CDH12: variants seen among roughly 807,000 people sequenced by gnomAD.
The protein encoded by CDH12 is cadherin-12.
Under a neutral mutation model 74.1 loss-of-function variants are expected in CDH12, and 41 were observed. The observed-to-expected ratio is 0.55, with a 90% confidence interval of 0.43 to 0.72. The LOEUF is 0.72. Ranked by LOEUF, CDH12 falls within the 30% of genes least tolerant of loss-of-function variation. The probability of loss-of-function intolerance (pLI) is 0.00; values close to 1 mark genes in which losing one functional copy is unlikely to be tolerated. For missense variants in CDH12, 945 were observed against 977.2 expected, an observed-to-expected ratio of 0.97 and a Z score of 0.44; for synonymous variants, 399 against 355.0, an observed-to-expected ratio of 1.12 and a Z score of -1.39.
intron 1 of CDH12, among the ~76,000 whole-genome samples, chr5:22,773,719 G>A (rs2126319369): frequency 6.6e-6 from 1 of 152,124 alleles, no homozygotes; most frequent in Non-Finnish European, 1.5e-5. Flanking sequence ...CCTACAGAGT[G>A]GGAGAAAATA....
chr5:21,824,899 A>C (rs1748576981), intron 8 of CDH12, among the ~76,000 whole-genome samples: 1 of 152,186 alleles, frequency 6.6e-6, no homozygotes, highest in Non-Finnish European at 1.5e-5. Context: ...CAAGTCTGTA[A>C]TCCCAGCACT....
intron 7 of CDH12, among the ~76,000 whole-genome samples, chr5:21,853,732 C>T (rs144720213): frequency 3.7e-4 from 56 of 151,676 alleles, no homozygotes; most frequent in Non-Finnish European, 6.1e-4. Context: ...GTGTCTGAAA[C>T]GTATACTTCT....
chr5:21,945,734 C>CAAG (rs1287545409), intron 6 of CDH12, among the ~76,000 whole-genome samples: 1 of 149,348 alleles, frequency 6.7e-6, no homozygotes, highest in Non-Finnish European at 1.5e-5. Flanking sequence ...ACTGTCTGAA[C>CAAG]AAGAAGAAGA....
intron 9 of CDH12, among the ~76,000 whole-genome samples, chr5:21,811,994 C>A (rs555387021): frequency 9.9e-5 from 15 of 151,994 alleles, no homozygotes; most frequent in African/African-American, 3.4e-4. Flanking sequence ...TAAACCTGAC[C>A]ATCATTTTTG....
chr5:22,398,597 C>T (rs571350300), intron 3 of CDH12, among the ~76,000 whole-genome samples: 3 of 152,222 alleles, frequency 2.0e-5, no homozygotes, highest in East Asian at 3.9e-4. Flanking sequence ...TGATAGAACA[C>T]GCATCCTCTT....
chr5:22,104,910 C>G (rs1744339261), intron 4 of CDH12, among the ~76,000 whole-genome samples: 1 of 152,122 alleles, frequency 6.6e-6, no homozygotes, highest in African/African-American at 2.4e-5. Flanking sequence ...GTCTCACATT[C>G]TGGTGAAATT....
chr5:22,442,904 G>C (rs1470984636), intron 2 of CDH12, among the ~76,000 whole-genome samples: 1 of 152,090 alleles, frequency 6.6e-6, no homozygotes, highest in African/African-American at 2.4e-5. Context: ...AGTTACTTGT[G>C]ATATAAAAAT....
chr5:22,678,479 G>A (rs913542989), intron 1 of CDH12, among the ~76,000 whole-genome samples: 11 of 152,078 alleles, frequency 7.2e-5, no homozygotes, highest in African/African-American at 2.7e-4. Context: ...GATTCATAAA[G>A]AATGAATGAA....
intron 1 of CDH12, among the ~76,000 whole-genome samples, chr5:22,791,323 C>T (rs557438074): frequency 6.6e-6 from 1 of 152,210 alleles, no homozygotes; most frequent in African/African-American, 2.4e-5. Flanking sequence ...TCTTCACCCA[C>T]GTCTAAGTTT....
intron 3 of CDH12, among the ~76,000 whole-genome samples, chr5:22,220,991 TAC>T (rs546225606): frequency 4.7e-5 from 7 of 150,146 alleles, no homozygotes; most frequent in Admixed American, 1.3e-4. Flanking sequence ...CTTCATCAAA[TAC>T]ACACACACAC....
intron 1 of CDH12, among the ~76,000 whole-genome samples, chr5:22,766,337 A>T (rs558532331): frequency 6.6e-6 from 1 of 152,102 alleles, no homozygotes; most frequent in Non-Finnish European, 1.5e-5. Flanking sequence ...TTAGAGTTAG[A>T]AAAAAATTAA....
intron 9 of CDH12, among the ~76,000 whole-genome samples, chr5:21,807,175 T>C (rs1286805601): frequency 6.6e-6 from 1 of 152,126 alleles, no homozygotes; most frequent in African/African-American, 2.4e-5. Context: ...TCTCAACCAG[T>C]CCTATGGCTC....
At chr5:22,434,847 C>T (rs1744313928) in intron 2 of CDH12, among the ~76,000 whole-genome samples, 2 of 152,252 alleles carry the variant, frequency 1.3e-5, no homozygotes, top group African/African-American at 4.8e-5. Flanking sequence ...TGAATAACTG[C>T]TAGCCTCAGC....
chr5:22,666,518 C>G (rs1740633285), intron 1 of CDH12, among the ~76,000 whole-genome samples: 1 of 151,980 alleles, frequency 6.6e-6, no homozygotes, highest in Non-Finnish European at 1.5e-5. Flanking sequence ...TCTCGATCTC[C>G]TGACCTCGTG....
At chr5:22,386,440 C>T (rs189843225) in intron 3 of CDH12, among the ~76,000 whole-genome samples, 40 of 152,304 alleles carry the variant, frequency 2.6e-4, no homozygotes, top group African/African-American at 9.4e-4. Flanking sequence ...CTTAAAACCT[C>T]TCTCACATTT....
At chr5:22,363,964 C>A (rs1740928535) in intron 3 of CDH12, among the ~76,000 whole-genome samples, 1 of 152,184 alleles carries the variant, frequency 6.6e-6, no homozygotes, top group Admixed American at 6.5e-5. Flanking sequence ...GGGCTTTTAT[C>A]CTGTGGCCTT....
At chr5:21,977,830 G>A (rs1757135163) in intron 5 of CDH12, among the ~76,000 whole-genome samples, 1 of 152,104 alleles carries the variant, frequency 6.6e-6, no homozygotes, top group Admixed American at 6.5e-5. Flanking sequence ...AAATGAAGTG[G>A]ATGACTATAA....
At chr5:22,135,209 C>CAAAAAAAAAAAAAAA (rs5866550) in intron 4 of CDH12, among the ~76,000 whole-genome samples, 1 of 119,408 alleles carries the variant, frequency 8.4e-6, no homozygotes, top group Non-Finnish European at 1.8e-5. Flanking sequence ...AACACATAAG[C>CAAAAAAAAAAAAAAA]AAAAAAAAAA....
chr5:22,184,275 G>T lies in CDH12; in HGVS notation c.-187+28223C>A, dbSNP rs531372040. 2.6e-5 allele frequency among the ~76,000 whole-genome samples: 4 copies of T among 152,282 alleles called. 1 individual carries two copies. The highest frequency in any genetic ancestry group is 7.2e-5 in the African/African-American group (3 of 41,564). The stretch of plus-strand genomic sequence containing the variant: ...TTCTTGATAGAGTCCTAGATTGGAA[G>T]TAGTGAGATGGGTTCATAAAATTGA... On this transcript the variant is annotated intron_variant, in intron 4 of 14. Coordinates refer to ENST00000382254, the MANE Select transcript of CDH12 (RefSeq NM_004061.5).
Sources: gnomAD v4.1 joint callset for allele counts (sites outside exome capture counted in the v4.1 genomes callset) on GRCh38, gnomAD v4.1.1 for gene constraint, MANE v1.5 for transcripts, NCBI Gene and HGNC (gene_info 2026-07-23, HGNC 2026-07-21) for gene names.